Variants in EVL observed in about 807,000 individuals in gnomAD.
EVL encodes Enah/Vasp-like, also known as ena/VASP-like protein.
In EVL, 21 loss-of-function variants were observed where a neutral mutation model predicts 59.6. The observed-to-expected ratio is 0.35, with a 90% CI of 0.25 to 0.51. The LOEUF is 0.51. Ranked by LOEUF, EVL falls within the 20% of genes least tolerant of loss-of-function variation. The pLI, the probability that EVL is intolerant of heterozygous loss-of-function variation, is 0.97. For missense variants in EVL, 462 were observed against 546.6 expected (o/e 0.85, Z 1.54); for synonymous variants, 198 against 203.5 (o/e 0.97, Z 0.23).
intron 1 of EVL, among the ~76,000 whole-genome samples, chr14:99,976,767 C>T (rs2060773116): frequency 1.3e-5 from 2 of 152,112 alleles, no homozygotes; most frequent in Non-Finnish European, 2.9e-5. Context: ...TTCACTTTTC[C>T]TCCTAATGTT....
intron 1 of EVL, among the ~76,000 whole-genome samples, chr14:99,981,915 T>G (rs536250870): frequency 6.6e-6 from 1 of 152,330 alleles, no homozygotes; most frequent in South Asian, 2.1e-4. Flanking sequence ...TCTGTCTGGA[T>G]AAGCTTGATG....
At chr14:100,123,714 G>A (rs2140368277) in intron 4 of EVL, 112 bp downstream of exon 4, 2 of 1,085,482 alleles carry the variant, frequency 1.8e-6, no homozygotes, top group Non-Finnish European at 2.8e-6. Context: ...GACTCCTAGA[G>A]GCATACACTG....
Position 100,129,597 on chromosome 14 carries a change from G to A in EVL, c.752G>A (p.Gly251Glu). The A allele has an allele frequency of 3.7e-6, 6 of 1,613,676 alleles. No homozygotes were observed. Among genetic ancestry groups the A allele is most frequent in the Non-Finnish European group, 5.1e-6 (6 of 1,179,924 alleles). Residue 251 changes from glycine (G) to glutamate (E), a missense_variant, in exon 7 of 14, where the codon GGG (glycine) becomes GAG (glutamate). Coordinates refer to ENST00000392920, the MANE Select transcript of EVL (RefSeq NM_016337.3). ...EDASGGSSPSGTSKSDANRAS... is the reference protein window; with the variant it reads ...EDASGGSSPSETSKSDANRAS... ...GCATCTGGAGGCTCCAGTCCCAGTG[G>A]GACCTCAAAGTCCGATGCCAACCGG... is the stretch of plus-strand genomic sequence containing the variant.
intron 1 of EVL, among the ~76,000 whole-genome samples, chr14:100,046,465 A>T (rs2061547087): frequency 6.6e-6 from 1 of 152,100 alleles, no homozygotes; most frequent in African/African-American, 2.4e-5. Context: ...TCACGATTTC[A>T]ACACCAGCCT....
chr14:100,117,290 G>A (rs1015503565), intron 3 of EVL, among the ~76,000 whole-genome samples: 3 of 152,218 alleles, frequency 2.0e-5, no homozygotes, highest in Admixed American at 6.5e-5. Flanking sequence ...CCGGTGCCAC[G>A]TGGATGGGCA....
chr14:100,040,365 C>T (rs2061450394), intron 1 of EVL, among the ~76,000 whole-genome samples: 1 of 152,174 alleles, frequency 6.6e-6, no homozygotes, highest in Non-Finnish European at 1.5e-5. Flanking sequence ...AGATTAGCCT[C>T]CCGTCTAGTC....
chr14:100,090,148 G>A lies in EVL; in HGVS notation c.180+5293G>A, dbSNP rs114865765. Among the ~76,000 whole-genome samples the A allele has an allele frequency of 4.7e-3, 710 of 152,102 alleles. 2 individuals are homozygous for A. Among genetic ancestry groups the A allele is most frequent in the African/African-American group, 0.016 (673 of 41,498 alleles). On this transcript the variant is annotated intron_variant, in intron 2 of 13. Transcript: ENST00000392920. ...GATGTATGATAGAGAAACACAAAAT[G>A]TCGCGGTTTTTTTGAATGAGAAAGT... is the stretch of plus-strand genomic sequence containing the variant.
In EVL at chr14:100,020,771, G is replaced by A. The variant is rs191822646; in HGVS notation, c.5+48714G>A. On this transcript the variant is annotated intron_variant, in intron 1 of 13. Coordinates refer to the EVL transcript ENST00000402714. ...GATCTCCACAAAGAAAAGTCGGACC[G>A]TAAAGGTCGTCCCCTGCCCTTTTCA... Among the ~76,000 whole-genome samples, 117 of 152,314 alleles carry A rather than the reference G, an allele frequency of 7.7e-4. 1 individual carries two copies. The highest frequency in any genetic ancestry group is 2.6e-3 in the African/African-American group (109 of 41,568).
At chr14:100,033,735 C>A (rs1488994147) in intron 1 of EVL, among the ~76,000 whole-genome samples, 1 of 152,174 alleles carries the variant, frequency 6.6e-6, no homozygotes, top group Non-Finnish European at 1.5e-5. Flanking sequence ...GATAGCTGCT[C>A]TTGTTGTCAT....
At chr14:100,015,111 C>T (rs2061040788) in intron 1 of EVL, among the ~76,000 whole-genome samples, 3 of 152,146 alleles carry the variant, frequency 2.0e-5, no homozygotes. Context: ...TGCCCCACAG[C>T]CTAAAAAAGT....
At chr14:99,998,798 C>G (rs1220216913) in intron 1 of EVL, among the ~76,000 whole-genome samples, 2 of 152,016 alleles carry the variant, frequency 1.3e-5, no homozygotes, top group Non-Finnish European at 2.9e-5. Context: ...ATTTGATTCT[C>G]ACAAAAAACC....
intron 4 of EVL, among the ~76,000 whole-genome samples, chr14:100,124,710 G>A (rs577194967): frequency 1.5e-3 from 221 of 152,298 alleles, no homozygotes; most frequent in African/African-American, 5.0e-3. Flanking sequence ...GCCACCAGAC[G>A]CCAGGTGTAA....
intron 1 of EVL, among the ~76,000 whole-genome samples, chr14:100,034,278 C>T (rs1354602751): frequency 6.6e-6 from 1 of 151,300 alleles, no homozygotes; most frequent in Non-Finnish European, 1.5e-5. Context: ...TTATAATCAC[C>T]CCTGCCCCGA....
At chr14:100,139,582 AC>A (rs1365955375) in intron 11 of EVL, 1 of 152,294 alleles carries the variant, frequency 6.6e-6, no homozygotes, top group Non-Finnish European at 1.5e-5. Context: ...AGAATTACTT[AC>A]AGACCTGTTT....
At chr14:100,106,678 C>T (rs1886592178) in intron 3 of EVL, 4 of 397,230 alleles carry the variant, frequency 1.0e-5, no homozygotes, top group Non-Finnish European at 1.8e-5. Context: ...CATTACAAAA[C>T]ATTATAATAA....
rs888996265 is a variant in EVL, at chr14:100,143,941, G to A, written c.*203G>A. ...GGTTTTTTTAGATTCTGCCTGACAC[G>A]GAACACCAGGTCTGCTCGTCTTTTT... On this transcript the variant is annotated 3_prime_UTR_variant, in exon 14 of 14. Coordinates refer to ENST00000392920, the MANE Select transcript of EVL (RefSeq NM_016337.3). The A allele has an allele frequency of 5.3e-5, 31 of 582,660 alleles. No homozygotes were observed. Among genetic ancestry groups the A allele is most frequent in the Middle Eastern group, 2.6e-4 (1 of 3,816 alleles). The allele number at this position is 582,660 out of a possible 1,614,324, so 36.1% of individuals were successfully genotyped here. A position where few individuals can be genotyped will look rare whatever the true frequency, so the allele number is the denominator to read the frequency against.
At chr14:100,055,305 T>C (rs965726021) in intron 1 of EVL, among the ~76,000 whole-genome samples, 4 of 152,302 alleles carry the variant, frequency 2.6e-5, no homozygotes, top group Admixed American at 2.6e-4. Flanking sequence ...CCTTTTTCTC[T>C]GCGCATAATG....
At chr14:99,987,904 A>AGTTTTTTTTTTTTTTTTTTTTTTTTTT (rs1566963012) in intron 1 of EVL, among the ~76,000 whole-genome samples, 1 of 139,484 alleles carries the variant, frequency 7.2e-6, no homozygotes. Flanking sequence ...AAGACAACCC[A>AGTTTTTTTTTTTTTTTTTTTTTTTTTT]ATTTTTTTTT....
chr14:100,117,887 T>C (rs1887450708), intron 3 of EVL, among the ~76,000 whole-genome samples: 1 of 152,214 alleles, frequency 6.6e-6, no homozygotes, highest in Non-Finnish European at 1.5e-5. Flanking sequence ...TCTCTAAGAC[T>C]GTGTCACTCG....
Sources: allele counts gnomAD v4.1 joint callset (sites outside exome capture counted in the v4.1 genomes callset), GRCh38; gene constraint gnomAD v4.1.1; transcripts MANE v1.5; gene names NCBI Gene and HGNC (gene_info 2026-07-23, HGNC 2026-07-21).